The following ATP11C variants were observed in gnomAD, a reference collection of about 807,000 sequenced individuals.
ATP11C encodes the protein ATPase phospholipid transporting 11C (ATP11C blood group).
ATP11C carries 36 observed loss-of-function variants against 97.4 expected under a neutral mutation model. The ratio of observed to expected loss-of-function variants is 0.37; its 90% CI spans 0.28 to 0.49. The LOEUF (loss-of-function observed/expected upper bound fraction) is 0.49. ATP11C is among the 20% of genes least tolerant of loss of function. ATP11C has a pLI of 0.98. For synonymous variants in ATP11C, 275 were observed against 290.9 expected, an observed-to-expected ratio of 0.95 and a Z score of 0.56; for missense variants, 730 against 824.6, an observed-to-expected ratio of 0.89 and a Z score of 1.40.
intron 1 of ATP11C, among the ~76,000 whole-genome samples, chrX:139,891,197 CAA>C (rs35280856): frequency 5.6e-5 from 2 of 35,490 alleles, no homozygotes; most frequent in African/African-American, 1.1e-4. Flanking sequence ...AGAGATTGGC[CAA>C]AAAAAAAAAA....
chrX:139,909,592 G>A (rs977623069), intron 1 of ATP11C, among the ~76,000 whole-genome samples: 1 of 111,349 alleles, frequency 9.0e-6, no homozygotes, highest in Non-Finnish European at 1.9e-5. Flanking sequence ...ACAAAATATG[G>A]AAAATCTGAA....
intron 29 of ATP11C, among the ~76,000 whole-genome samples, chrX:139,731,238 T>G (rs1468374999): frequency 8.9e-6 from 1 of 112,039 alleles, no homozygotes; most frequent in Non-Finnish European, 1.9e-5. Flanking sequence ...GAACATGCAA[T>G]GCTAAATTGG....
chrX:139,758,042 C>T (rs867743000), intron 22 of ATP11C, among the ~76,000 whole-genome samples, 175 bp from the exon 23 acceptor site: 31 of 111,724 alleles, frequency 2.8e-4, no homozygotes, highest in African/African-American at 9.8e-4. Flanking sequence ...ATGATTAATT[C>T]ATATTAAGGC....
intron 1 of ATP11C, among the ~76,000 whole-genome samples, chrX:139,930,333 G>C (rs747837725): frequency 7.4e-4 from 79 of 106,441 alleles, no homozygotes; most frequent in Non-Finnish European, 1.3e-3. Flanking sequence ...ACCAATACTT[G>C]AGTTGTTCGG....
intron 1 of ATP11C, among the ~76,000 whole-genome samples, chrX:139,901,994 C>G (rs1382282153): frequency 9.0e-6 from 1 of 110,510 alleles, no homozygotes; most frequent in Non-Finnish European, 1.9e-5. Flanking sequence ...AATCTTGGAA[C>G]CCCAAAATCA....
intron 19 of ATP11C, among the ~76,000 whole-genome samples, chrX:139,770,030 C>G (rs1048134198): frequency 8.9e-6 from 1 of 111,936 alleles, no homozygotes; most frequent in Admixed American, 9.5e-5. Flanking sequence ...ATTTTATTCA[C>G]TAAATAAAGA....
At position 139,794,076 on chromosome X, in the gene ATP11C, A is replaced by G. The variant is rs141123645; in HGVS notation, c.1206+2197T>C. The stretch of plus-strand genomic sequence containing the variant: ...AGAAGAGTAGCCCCACGGGTTTTTC[A>G]ATATGGATTACAATCATTTGGTTGT... On this transcript the variant is annotated intron_variant, in intron 12 of 29. Coordinates refer to ENST00000682941, the MANE Select transcript of ATP11C (RefSeq NM_001353812.2). Among the ~76,000 whole-genome samples the G allele has an allele frequency of 1.7e-3, 189 of 112,095 alleles. 4 individuals carry two copies. The East Asian group carries it at 0.042, about 25-fold the overall frequency.
intron 14 of ATP11C, 95 bp from the exon 15 acceptor site, chrX:139,787,339 C>T (rs993713522): frequency 1.2e-5 from 9 of 754,247 alleles, no homozygotes; most frequent in Admixed American, 3.9e-5. Context: ...GCTCTGTTGC[C>T]CAGGCTGGAG....
intron 23 of ATP11C, among the ~76,000 whole-genome samples, chrX:139,752,075 C>CTT (rs963589571): frequency 1.8e-5 from 2 of 111,503 alleles, no homozygotes; most frequent in African/African-American, 6.5e-5. Context: ...TTTTACCTTC[C>CTT]TTTTACCTGG....
intron 28 of ATP11C, among the ~76,000 whole-genome samples, chrX:139,735,790 C>A (rs2081430755): frequency 9.1e-6 from 1 of 110,085 alleles, no homozygotes; most frequent in Non-Finnish European, 1.9e-5. Context: ...AAAAAAGAGG[C>A]AGCACTGCTG....
intron 1 of ATP11C, among the ~76,000 whole-genome samples, chrX:139,839,715 C>T (rs1219595929): frequency 1.8e-5 from 2 of 111,519 alleles, no homozygotes; most frequent in East Asian, 5.7e-4. Context: ...CCTCCAGGCC[C>T]CACTTGAATC....
intron 18 of ATP11C, among the ~76,000 whole-genome samples, chrX:139,775,259 A>G (rs2082326828): frequency 8.9e-6 from 1 of 112,315 alleles, no homozygotes; most frequent in Non-Finnish European, 1.9e-5. Context: ...TTTGTACTCA[A>G]TGTCACTTTA....
At position 139,932,378 on chromosome X, in the gene ATP11C, G is replaced by C. The variant is rs2085454514; in HGVS notation, c.-336C>G. The stretch of plus-strand genomic sequence containing the variant: ...GAGAAGGCGAGCCCGCCGCGCGGGG[G>C]AAGGATGGCGGAGGAGCGCGAGGCT... On this transcript the variant is annotated 5_prime_UTR_variant, in exon 1 of 30. Transcript: ENST00000682941. 2 of 109,792 alleles carry C rather than the reference G, an allele frequency of 1.8e-5. No individual in the cohort carries two copies. 9.0% of individuals were successfully genotyped at this position (109,792 alleles called of 1,213,427 possible).
chrX:139,935,073 G>A (rs1349797358), upstream of ATP11C, among the ~76,000 whole-genome samples: 1 of 112,157 alleles, frequency 8.9e-6, no homozygotes, highest in Non-Finnish European at 1.9e-5. Flanking sequence ...GTGCTTGCTA[G>A]TGAATAGTAA....
At chrX:139,798,209 G>A (rs2082842731) in intron 10 of ATP11C, 64 bp downstream of exon 10, 1 of 964,985 alleles carries the variant, frequency 1.0e-6, no homozygotes, top group Non-Finnish European at 1.4e-6. Context: ...CTTGTTACTT[G>A]GAATTACCAA....
chrX:139,733,739 A>G (rs894277350), intron 28 of ATP11C, among the ~76,000 whole-genome samples: 1 of 111,963 alleles, frequency 8.9e-6, no homozygotes, highest in Admixed American at 9.5e-5. Context: ...TGTTTAATGC[A>G]CAAACCTATC....
chrX:139,821,698 T>C (rs1240150951), intron 2 of ATP11C, among the ~76,000 whole-genome samples: 1 of 111,827 alleles, frequency 8.9e-6, no homozygotes, highest in Non-Finnish European at 1.9e-5. Flanking sequence ...TGCCCTCTTC[T>C]CTCCTTCATC....
At chrX:139,806,547 G>C (rs925146537) in intron 5 of ATP11C, among the ~76,000 whole-genome samples, 1 of 111,395 alleles carries the variant, frequency 9.0e-6, no homozygotes, top group Non-Finnish European at 1.9e-5. Flanking sequence ...TGGCTACCAT[G>C]AAAGTGGGTA....
At chrX:139,837,877 C>T in intron 1 of ATP11C, among the ~76,000 whole-genome samples, 1 of 111,888 alleles carries the variant, frequency 8.9e-6, no homozygotes, top group East Asian at 2.8e-4. Context: ...TAAGCAAATA[C>T]AACTATTCCC....
Sources: allele counts gnomAD v4.1 joint callset (sites outside exome capture counted in the v4.1 genomes callset), GRCh38; gene constraint gnomAD v4.1.1; transcripts MANE v1.5; gene names NCBI Gene and HGNC (gene_info 2026-07-23, HGNC 2026-07-21).